The following SNX24 variants were observed in gnomAD, a reference collection of about 807,000 sequenced individuals.
SNX24 encodes the protein sorting nexin 24.
Under a neutral mutation model 28.7 loss-of-function variants are expected in SNX24, and 22 were observed. That is an observed-to-expected ratio of 0.77 (90% CI 0.55 to 1.10). The LOEUF is 1.10. Ranked by LOEUF, SNX24 falls within the 50% of genes least tolerant of loss-of-function variation. The probability of loss-of-function intolerance (pLI) is 0.00; values close to 1 mark genes in which losing one functional copy is unlikely to be tolerated. For synonymous variants in SNX24, 69 were observed against 71.5 expected (o/e 0.96, Z 0.18); for missense variants, 221 against 201.1 (o/e 1.10, Z -0.60).
At chr5:122,894,855 T>C (rs1420516187) in intron 1 of SNX24, among the ~76,000 whole-genome samples, 2 of 152,116 alleles carry the variant, frequency 1.3e-5, no homozygotes, top group African/African-American at 4.8e-5. Context: ...GACAAATATA[T>C]GGGAAGTAAC....
At chr5:122,857,110 C>A (rs1755230581) in intron 1 of SNX24, among the ~76,000 whole-genome samples, 1 of 151,964 alleles carries the variant, frequency 6.6e-6, no homozygotes, top group South Asian at 2.1e-4. Context: ...CTCCCGGGTT[C>A]AAGCAATGCT....
chr5:122,926,267 T>A (rs1461816556), intron 1 of SNX24, among the ~76,000 whole-genome samples: 1 of 152,000 alleles, frequency 6.6e-6, no homozygotes, highest in Non-Finnish European at 1.5e-5. Flanking sequence ...TAGTTGCCGG[T>A]GAGGAAGCTG....
chr5:123,010,820 A>G (rs1318149792), downstream of SNX24, among the ~76,000 whole-genome samples: 1 of 151,838 alleles, frequency 6.6e-6, no homozygotes, highest in Non-Finnish European at 1.5e-5. Context: ...TCTTTTACAA[A>G]AATGGTAGCA....
chr5:123,007,182 G>C (rs1762448412), intron 6 of SNX24, among the ~76,000 whole-genome samples: 1 of 152,166 alleles, frequency 6.6e-6, no homozygotes, highest in Non-Finnish European at 1.5e-5. Context: ...AAGTTAGGAA[G>C]ACTGACCCCC....
At chr5:122,855,962 TTTTA>T (rs1408550458) in intron 1 of SNX24, among the ~76,000 whole-genome samples, 1 of 152,214 alleles carries the variant, frequency 6.6e-6, no homozygotes, top group African/African-American at 2.4e-5. Flanking sequence ...ATTTGCCATC[TTTTA>T]TTTATTTACT....
chr5:122,908,908 A>C (rs1757761315), intron 1 of SNX24, among the ~76,000 whole-genome samples: 1 of 152,196 alleles, frequency 6.6e-6, no homozygotes, highest in South Asian at 2.1e-4. Flanking sequence ...TCAAATGTGC[A>C]CATAGCAAGG....
At chr5:122,931,458 G>A (rs1218568312) in intron 1 of SNX24, among the ~76,000 whole-genome samples, 13 of 152,040 alleles carry the variant, frequency 8.6e-5, no homozygotes, top group Non-Finnish European at 1.9e-4. Flanking sequence ...AAGAAATGGC[G>A]CTTTTAGAGA....
chr5:122,939,652 G>C (rs907016546), intron 2 of SNX24, among the ~76,000 whole-genome samples: 2 of 151,992 alleles, frequency 1.3e-5, no homozygotes, highest in Non-Finnish European at 2.9e-5. Context: ...TTTTCTTTTA[G>C]TTTTTGTAGA....
intron 1 of SNX24, among the ~76,000 whole-genome samples, chr5:122,849,797 T>C (rs933289246): frequency 6.6e-6 from 1 of 152,228 alleles, no homozygotes; most frequent in African/African-American, 2.4e-5. Context: ...GGCTAGGTAG[T>C]GTCCATCTCC....
At chr5:122,856,346 A>G (rs190858654) in intron 1 of SNX24, among the ~76,000 whole-genome samples, 1 of 152,230 alleles carries the variant, frequency 6.6e-6, no homozygotes, top group East Asian at 1.9e-4. Flanking sequence ...GCGTATATGT[A>G]CCGAGATTTC....
At chr5:122,955,254 A>G (rs1581793643) in intron 3 of SNX24, among the ~76,000 whole-genome samples, 1 of 151,870 alleles carries the variant, frequency 6.6e-6, no homozygotes, top group East Asian at 1.9e-4. Context: ...CCTTCCTGAG[A>G]TTTTATATAT....
chr5:122,979,199 TG>T (rs1761292035), intron 3 of SNX24, among the ~76,000 whole-genome samples: 1 of 152,208 alleles, frequency 6.6e-6, no homozygotes, highest in African/African-American at 2.4e-5. Flanking sequence ...TCAATTTTTT[TG>T]TTGTTTTGCA....
intron 1 of SNX24, among the ~76,000 whole-genome samples, chr5:122,872,897 C>A (rs1043369901): frequency 1.3e-5 from 2 of 151,576 alleles, no homozygotes; most frequent in African/African-American, 4.8e-5. Context: ...AATTTTGACT[C>A]CTATCAGTGT....
At chr5:122,897,572 T>C (rs1757255565) in intron 1 of SNX24, among the ~76,000 whole-genome samples, 1 of 152,136 alleles carries the variant, frequency 6.6e-6, no homozygotes, top group Admixed American at 6.5e-5. Flanking sequence ...GGAGTGGGGA[T>C]TTTATCACTC....
chr5:122,951,256 G>A (rs560055937), intron 3 of SNX24, among the ~76,000 whole-genome samples: 8 of 113,600 alleles, frequency 7.0e-5, no homozygotes. Context: ...GACAGAGTGA[G>A]ACTCTGTCTC....
chr5:123,002,312 C>T (rs1343522111), intron 6 of SNX24, among the ~76,000 whole-genome samples: 1 of 152,038 alleles, frequency 6.6e-6, no homozygotes, highest in Non-Finnish European at 1.5e-5. Context: ...TGTCCAGATG[C>T]CAAGGTTCAA....
chr5:122,898,357 A>G (rs35575114), intron 1 of SNX24, among the ~76,000 whole-genome samples: 3,999 of 152,362 alleles, frequency 0.026, 70 homozygotes, highest in Non-Finnish European at 0.037. Context: ...AGCAATTAAA[A>G]TGCACTGGGG....
Position 123,001,953 on chromosome 5 carries a change from C to T in SNX24, c.391C>T (p.Gln131Ter). The T allele has an allele frequency of 6.2e-7, 1 of 1,614,136 alleles. No individual in the cohort carries two copies. Among genetic ancestry groups the T allele is most frequent in the Non-Finnish European group, 8.5e-7 (1 of 1,179,972 alleles). ...ESEESSKLSHQPVLLFLRDPY... is the reference protein window; with the variant it reads ...ESEESSKLSH ...TGACCTTTCCAGCAAACTGTCCCAC[C>T]AGCCTGTGCTGCTGTTCCTCAGGGA... Residue 131 changes from glutamine to a stop codon, truncating the protein, a stop_gained, in exon 6 of 7, where the codon CAG becomes TAG. Transcript: ENST00000261369. LOFTEE classifies it high-confidence loss of function.
At position 122,909,351 on chromosome 5, in the gene SNX24, C is replaced by A. The variant is rs376813731; in HGVS notation, c.61-27383C>A. Among the ~76,000 whole-genome samples the A allele has an allele frequency of 3.3e-5, 5 of 152,136 alleles. No individual in the cohort carries two copies. In the East Asian group the frequency reaches 7.7e-4, roughly 23 times the overall value. On this transcript the variant is annotated intron_variant, in intron 1 of 6. Coordinates refer to ENST00000261369, the MANE Select transcript of SNX24 (RefSeq NM_014035.4). ...CTGCTTTATAAATGTTAACTTAAGT[C>A]CTCACGGAGAAAGTGTTACTGTCTT... is the stretch of plus-strand genomic sequence containing the variant.
Sources: allele counts gnomAD v4.1 joint callset (sites outside exome capture counted in the v4.1 genomes callset), GRCh38; gene constraint gnomAD v4.1.1; transcripts MANE v1.5; gene names NCBI Gene and HGNC (gene_info 2026-07-23, HGNC 2026-07-21).